ABLIM1: variants seen among roughly 807,000 people sequenced by gnomAD.
ABLIM1 encodes actin binding LIM protein 1.
Under a neutral mutation model 107.0 loss-of-function variants are expected in ABLIM1, and 40 were observed. That is an observed-to-expected ratio of 0.37 (90% confidence interval 0.29 to 0.49). ABLIM1 has a LOEUF of 0.49. ABLIM1 is among the 20% of genes least tolerant of loss of function. The probability of loss-of-function intolerance (pLI) is 0.97; values close to 1 mark genes in which losing one functional copy is unlikely to be tolerated. For synonymous variants in ABLIM1, 357 were observed against 357.3 expected (o/e 1.00, Z 0.01); for missense variants, 857 against 1,008.5 (o/e 0.85, Z 2.04).
upstream of ABLIM1, chr10:114,768,118 C>A (rs808293): frequency 0.067 from 26,555 of 399,204 alleles, 1,025 homozygotes; most frequent in Middle Eastern, 0.093. Flanking sequence ...TGGACAGCCC[C>A]GCAGGGCGCG....
At chr10:114,474,065 C>A in intron 8 of ABLIM1, 109 bp from the exon 9 acceptor site, 1 of 721,148 alleles carries the variant, frequency 1.4e-6, no homozygotes, top group Admixed American at 2.6e-5. Context: ...AAAAGAAACA[C>A]TTATCACCTT....
intron 11 of ABLIM1, among the ~76,000 whole-genome samples, 166 bp downstream of exon 11, chr10:114,468,015 A>G (rs1011033318): frequency 2.6e-5 from 4 of 152,194 alleles, no homozygotes; most frequent in Non-Finnish European, 5.9e-5. Flanking sequence ...GCTGTGTCTT[A>G]GAGTCTCCTC....
intron 1 of ABLIM1, among the ~76,000 whole-genome samples, chr10:114,645,278 C>G (rs562903533): frequency 6.6e-6 from 1 of 152,208 alleles, no homozygotes; most frequent in East Asian, 1.9e-4. Context: ...TTCCTCACCC[C>G]TTGGCTGGGA....
In ABLIM1 at chr10:114,493,016, CA is replaced by C. The variant is rs1475178634; in HGVS notation, c.895-1139del. Reference sequence around the variant, plus strand: ...TTCAGTGGTGCCTGCCAGAAAATTCCAGAAGTGGTGCTCTTGTCCTCGTCCA... The same window carrying C: ...TTCAGTGGTGCCTGCCAGAAAATTCCGAAGTGGTGCTCTTGTCCTCGTCCA... On this transcript the variant is annotated intron_variant, in intron 6 of 22. Coordinates refer to ENST00000533213, the MANE Select transcript of ABLIM1 (RefSeq NM_002313.7). 2.0e-5 allele frequency among the ~76,000 whole-genome samples: 3 copies of C among 152,118 alleles called. No homozygotes were observed. The East Asian group carries it at 5.8e-4, about 29-fold the overall frequency.
At chr10:114,740,903 G>A (rs1290097681) in intron 1 of ABLIM1, among the ~76,000 whole-genome samples, 2 of 151,654 alleles carry the variant, frequency 1.3e-5, no homozygotes, top group African/African-American at 4.8e-5. Flanking sequence ...ACTTAGCTGG[G>A]TATAGTGGTG....
chr10:114,624,849 T>A (rs1358378431), intron 1 of ABLIM1, among the ~76,000 whole-genome samples: 1 of 151,530 alleles, frequency 6.6e-6, no homozygotes, highest in African/African-American at 2.4e-5. Context: ...ACTTCTGGAG[T>A]GAAGCAGAGC....
intron 4 of ABLIM1, among the ~76,000 whole-genome samples, chr10:114,549,852 A>G (rs1031122507): frequency 7.2e-5 from 11 of 152,238 alleles, no homozygotes; most frequent in African/African-American, 2.7e-4. Context: ...AAAGCAGGCC[A>G]TAGAACAGTA....
At chr10:114,534,713 C>G (rs2065812398) in intron 6 of ABLIM1, among the ~76,000 whole-genome samples, 1 of 152,166 alleles carries the variant, frequency 6.6e-6, no homozygotes. Flanking sequence ...CTCACTTGAC[C>G]TGCCGGGTCA....
At chr10:114,502,406 C>T (rs2060552385) in intron 6 of ABLIM1, 1 of 152,204 alleles carries the variant, frequency 6.6e-6, no homozygotes, top group Admixed American at 6.5e-5. Context: ...TATATCAACT[C>T]TCTCTTACAA....
intron 1 of ABLIM1, among the ~76,000 whole-genome samples, chr10:114,698,529 T>C (rs1398264297): frequency 2.0e-5 from 3 of 151,630 alleles, no homozygotes; most frequent in Admixed American, 2.0e-4. Context: ...AATTCTCCAG[T>C]CCTGAAGGAA....
At chr10:114,635,395 G>T (rs1409102821) in intron 1 of ABLIM1, among the ~76,000 whole-genome samples, 1 of 152,232 alleles carries the variant, frequency 6.6e-6, no homozygotes, top group South Asian at 2.1e-4. Context: ...CTTCCTCATA[G>T]CTTATTCTCC....
chr10:114,524,986 C>G (rs984808839), intron 6 of ABLIM1, among the ~76,000 whole-genome samples: 33 of 152,272 alleles, frequency 2.2e-4, no homozygotes, highest in Admixed American at 1.3e-3. Flanking sequence ...ACCCTTCCCC[C>G]TCGTTGGCAG....
the ABLIM1 span, among the ~76,000 whole-genome samples, chr10:114,798,567 A>T: frequency 4.0e-5 from 3 of 74,734 alleles, no homozygotes; most frequent in Admixed American, 1.2e-4. Context: ...CCCCCCCCCC[A>T]TGTCTACAAA....
At chr10:114,653,449 CAAG>C (rs1235253616) in intron 1 of ABLIM1, among the ~76,000 whole-genome samples, 1 of 152,064 alleles carries the variant, frequency 6.6e-6, no homozygotes, top group Non-Finnish European at 1.5e-5. Flanking sequence ...GAGGCTGAGG[CAAG>C]AAGATCACTT....
At chr10:114,652,780 A>ACC (rs2079312545) in intron 1 of ABLIM1, among the ~76,000 whole-genome samples, 1 of 152,184 alleles carries the variant, frequency 6.6e-6, no homozygotes, top group Non-Finnish European at 1.5e-5. Flanking sequence ...TTTGTATGAG[A>ACC]CCCAAAAGCT....
chr10:114,531,151 A>C (rs2065408074), intron 6 of ABLIM1, among the ~76,000 whole-genome samples: 1 of 152,244 alleles, frequency 6.6e-6, no homozygotes. Flanking sequence ...ACTACATCAG[A>C]GAGTAAACAG....
chr10:114,461,942 G>A (rs930543221), intron 12 of ABLIM1, among the ~76,000 whole-genome samples: 2 of 152,198 alleles, frequency 1.3e-5, no homozygotes, highest in Non-Finnish European at 2.9e-5. Context: ...CTCCAGGTAT[G>A]TGTGTCTTTG....
chr10:114,575,611 C>A lies in ABLIM1; in HGVS notation c.380-12G>T, dbSNP rs745870678. The stretch of plus-strand genomic sequence containing the variant: ...GTCACAGCCACACACTGTAGAGAGA[C>A]AAGTTCACATCTGGTCATTATCTGC... On this transcript the variant is annotated splice_polypyrimidine_tract_variant and intron_variant, in intron 2 of 22. Coordinates refer to ENST00000533213, the MANE Select transcript of ABLIM1 (RefSeq NM_002313.7). 4 of 1,610,652 alleles carry A rather than the reference C, an allele frequency of 2.5e-6. No homozygotes were observed. Among genetic ancestry groups the A allele is most frequent in the Non-Finnish European group, 3.4e-6 (4 of 1,178,148 alleles).
chr10:114,663,875 G>C (rs11196846), intron 1 of ABLIM1, among the ~76,000 whole-genome samples: 13,178 of 152,216 alleles, frequency 0.087, 1,358 homozygotes, highest in East Asian at 0.57. Flanking sequence ...GCAGGTACAC[G>C]GTGCCTGCCT....
Sources: gnomAD v4.1 joint callset for allele counts (sites outside exome capture counted in the v4.1 genomes callset) on GRCh38, gnomAD v4.1.1 for gene constraint, MANE v1.5 for transcripts, NCBI Gene and HGNC (gene_info 2026-07-23, HGNC 2026-07-21) for gene names.